TJP1: variants seen among roughly 807,000 people sequenced by gnomAD.
TJP1 encodes the protein tight junction protein 1.
In TJP1, 43 loss-of-function variants were observed where a neutral mutation model predicts 194.2. The ratio of observed to expected loss-of-function variants is 0.22; its 90% CI spans 0.17 to 0.29. The LOEUF is 0.29. TJP1 is among the 10% of genes least tolerant of loss of function. TJP1 has a pLI of 1.00. For missense variants in TJP1, 1,971 were observed against 2,185.7 expected, an observed-to-expected ratio of 0.90 and a Z score of 1.96; for synonymous variants, 801 against 779.0, an observed-to-expected ratio of 1.03 and a Z score of -0.47.
At chr15:29,726,557 TA>T in intron 17 of TJP1, 78 bp from the exon 18 acceptor site, 3 of 1,363,864 alleles carry the variant, frequency 2.2e-6, no homozygotes, top group Non-Finnish European at 2.1e-6. Flanking sequence ...TGCTTACAGC[TA>T]AATCGTCATT....
intron 2 of TJP1, among the ~76,000 whole-genome samples, chr15:29,867,848 G>A (rs535293861): frequency 6.6e-6 from 1 of 152,198 alleles, no homozygotes; most frequent in East Asian, 1.9e-4. Flanking sequence ...TTCAGCCCAG[G>A]AGTTCCAGAC....
At chr15:29,809,952 A>G (rs1179757355) in intron 1 of TJP1, among the ~76,000 whole-genome samples, 1 of 152,180 alleles carries the variant, frequency 6.6e-6, no homozygotes, top group African/African-American at 2.4e-5. Context: ...TCTTTTAGAG[A>G]TATATATTCA....
intron 25 of TJP1, among the ~76,000 whole-genome samples, chr15:29,707,849 C>T (rs780166425): frequency 6.6e-6 from 1 of 152,178 alleles, no homozygotes; most frequent in Admixed American, 6.5e-5. Context: ...AGATGTCCTC[C>T]ACATGCACCT....
At chr15:29,739,468 G>A (rs751072107) in intron 10 of TJP1, among the ~76,000 whole-genome samples, 4 of 152,078 alleles carry the variant, frequency 2.6e-5, no homozygotes, top group Non-Finnish European at 4.4e-5. Flanking sequence ...TTTTGAGATG[G>A]AGTTTTGCTC....
chr15:29,885,821 A>C (rs983933220), intron 2 of TJP1, among the ~76,000 whole-genome samples: 1 of 152,210 alleles, frequency 6.6e-6, no homozygotes, highest in African/African-American at 2.4e-5. Flanking sequence ...TTTTGTAAAA[A>C]TCATTTTTCC....
chr15:29,941,073 A>T (rs980560400), intron 2 of TJP1, among the ~76,000 whole-genome samples: 3 of 151,040 alleles, frequency 2.0e-5, no homozygotes, highest in East Asian at 1.9e-4. Flanking sequence ...TGAATGTATT[A>T]AAAAAAAATT....
intron 2 of TJP1, among the ~76,000 whole-genome samples, chr15:29,857,464 T>C (rs1467572916): frequency 1.3e-5 from 2 of 152,212 alleles, no homozygotes; most frequent in African/African-American, 2.4e-5. Context: ...CAACCATTCT[T>C]TCTCTTATAT....
At chr15:29,801,539 G>A (rs2048785119) in intron 1 of TJP1, among the ~76,000 whole-genome samples, 2 of 148,916 alleles carry the variant, frequency 1.3e-5, no homozygotes, top group South Asian at 4.3e-4. Flanking sequence ...TCGGCTCACT[G>A]CAAGCTCCGC....
intron 2 of TJP1, 152 bp downstream of exon 2, chr15:29,800,494 A>T (rs2048710639): frequency 1.5e-6 from 1 of 687,578 alleles, no homozygotes; most frequent in Non-Finnish European, 2.4e-6. Context: ...TGACCTTAAT[A>T]AAAAATTATT....
intron 2 of TJP1, among the ~76,000 whole-genome samples, chr15:29,795,931 A>C (rs2048373018): frequency 6.6e-6 from 1 of 152,148 alleles, no homozygotes; most frequent in Non-Finnish European, 1.5e-5. Flanking sequence ...AAAAAAAAGC[A>C]CTGACAAAAA....
At chr15:29,892,353 G>A (rs1214374252) in intron 2 of TJP1, among the ~76,000 whole-genome samples, 1 of 152,214 alleles carries the variant, frequency 6.6e-6, no homozygotes, top group Non-Finnish European at 1.5e-5. Flanking sequence ...GCAAGGTGAG[G>A]AAGCAAGTGC....
rs183493626 is a variant in TJP1, at chr15:29,816,632, T to C, written c.27+5370A>G. ...TAAAACAGTATGAAGCAAGTATGCA[T>C]TGATCAGTAACTATCATAATTAAAA... On this transcript the variant is annotated intron_variant, in intron 1 of 27. Transcript: ENST00000614355. Among the ~76,000 whole-genome samples, 24 of 152,318 alleles carry C rather than the reference T, an allele frequency of 1.6e-4. No individual in the cohort carries two copies. In the East Asian group the frequency reaches 4.4e-3, roughly 28 times the overall value.
chr15:29,949,552 A>C (rs148245099), intron 2 of TJP1, among the ~76,000 whole-genome samples: 2,196 of 12,398 alleles, frequency 0.18, 12 homozygotes, highest in South Asian at 0.21. Flanking sequence ...CCACCTCCAC[A>C]ACCACCACCT....
At chr15:29,903,805 G>A (rs1219308774) in intron 2 of TJP1, among the ~76,000 whole-genome samples, 3 of 152,086 alleles carry the variant, frequency 2.0e-5, no homozygotes, top group Non-Finnish European at 2.9e-5. Context: ...CTGAAATCAG[G>A]GGAACTTCGG....
chr15:29,942,741 C>T (rs905591858), intron 2 of TJP1, among the ~76,000 whole-genome samples: 1 of 152,210 alleles, frequency 6.6e-6, no homozygotes, highest in Non-Finnish European at 1.5e-5. Flanking sequence ...TCTGATGTCC[C>T]GTGCAGTTCA....
intron 1 of TJP1, among the ~76,000 whole-genome samples, chr15:29,958,909 C>G (rs1448679052): frequency 8.5e-6 from 1 of 117,444 alleles, no homozygotes; most frequent in African/African-American, 3.3e-5. Flanking sequence ...AGATTGCAAA[C>G]TTGCTTTTTT....
chr15:29,742,286 A>C (rs2044474452), intron 9 of TJP1, among the ~76,000 whole-genome samples: 1 of 151,874 alleles, frequency 6.6e-6, no homozygotes, highest in South Asian at 2.1e-4. Context: ...ATAAAGGTAT[A>C]CTCCATAAAA....
At chr15:29,879,876 A>T (rs1019675722) in intron 2 of TJP1, among the ~76,000 whole-genome samples, 1 of 152,072 alleles carries the variant, frequency 6.6e-6, no homozygotes, top group Non-Finnish European at 1.5e-5. Context: ...AAGCCCAGCT[A>T]ATTTTTTGTA....
At chr15:29,882,618 C>T (rs1193220973) in intron 2 of TJP1, among the ~76,000 whole-genome samples, 2 of 152,096 alleles carry the variant, frequency 1.3e-5, no homozygotes, top group Admixed American at 1.3e-4. Flanking sequence ...GACTTAGGTG[C>T]CTGGATTAAA....
Sources: allele counts gnomAD v4.1 joint callset (sites outside exome capture counted in the v4.1 genomes callset), GRCh38; gene constraint gnomAD v4.1.1; transcripts MANE v1.5; gene names NCBI Gene and HGNC (gene_info 2026-07-23, HGNC 2026-07-21).